USP31: variants seen among roughly 807,000 people sequenced by gnomAD.
The protein encoded by USP31 is ubiquitin specific peptidase 31, also known as ubiquitin carboxyl-terminal hydrolase 31.
USP31 carries 44 observed loss-of-function variants against 119.4 expected under a neutral mutation model. The ratio of observed to expected loss-of-function variants is 0.37; its 90% CI spans 0.29 to 0.47. USP31 has a LOEUF of 0.47. Ranked by LOEUF, USP31 falls within the 20% of genes least tolerant of loss-of-function variation. The pLI is 0.99. For synonymous variants in USP31, 749 were observed against 705.6 expected (o/e 1.06, Z -0.97); for missense variants, 1,643 against 1,730.2 (o/e 0.95, Z 0.89).
intron 15 of USP31, among the ~76,000 whole-genome samples, chr16:23,070,968 C>T (rs1362718119): frequency 4.6e-5 from 7 of 152,076 alleles, no homozygotes; most frequent in Admixed American, 4.6e-4. Flanking sequence ...CTGAGGCAAA[C>T]CTTATTGAGG....
chr16:23,073,954 T>C (rs1900454046), intron 13 of USP31, 74 bp from the exon 14 acceptor site: 2 of 1,598,782 alleles, frequency 1.3e-6, no homozygotes, highest in Admixed American at 3.3e-5. Flanking sequence ...AGACACCATC[T>C]CTTTGGCTCA....
At position 23,067,782 on chromosome 16, in the gene USP31, G is replaced by A. The variant is rs770292707; in HGVS notation, c.*264C>T. ...GTACAATTGCTAAAGGGACCGTCCT[G>A]GGTATCGTCTACAATTATTCCAGTT... On this transcript the variant is annotated 3_prime_UTR_variant, in exon 16 of 16. Transcript: ENST00000219689. 1.6e-5 allele frequency: 6 copies of A among 369,334 alleles called. No individual in the cohort carries two copies. The highest frequency in any genetic ancestry group is 2.9e-5 in the Non-Finnish European group (6 of 206,706). The allele number at this position is 369,334 out of a possible 1,614,324, so 22.9% of individuals were successfully genotyped here.
intron 7 of USP31, among the ~76,000 whole-genome samples, chr16:23,090,289 G>A (rs552796179): frequency 2.6e-5 from 4 of 152,294 alleles, no homozygotes; most frequent in African/African-American, 7.2e-5. Context: ...GGAAGGCTGA[G>A]CCAAGAGAAT....
At chr16:23,141,191 C>T (rs574169753) in intron 1 of USP31, among the ~76,000 whole-genome samples, 2 of 152,278 alleles carry the variant, frequency 1.3e-5, no homozygotes, top group South Asian at 4.1e-4. Flanking sequence ...CTACCTGGCC[C>T]CTGCCTCTCC....
intron 15 of USP31, 23 bp downstream of exon 15, chr16:23,072,022 T>C (rs372858755): frequency 1.1e-5 from 17 of 1,597,728 alleles, no homozygotes; most frequent in African/African-American, 9.4e-5. Flanking sequence ...TTCTGGAAAT[T>C]TGTCACCAAA....
At chr16:23,113,794 G>A (rs964965523) in intron 1 of USP31, among the ~76,000 whole-genome samples, 7 of 152,108 alleles carry the variant, frequency 4.6e-5, no homozygotes, top group African/African-American at 1.7e-4. Flanking sequence ...CTAACAGAAA[G>A]GAGATATCTG....
chr16:23,096,810 C>G (rs141488339), intron 6 of USP31, among the ~76,000 whole-genome samples: 12 of 152,046 alleles, frequency 7.9e-5, no homozygotes, highest in Non-Finnish European at 7.4e-5. Flanking sequence ...ACAAAGACAA[C>G]GTACCAGAAT....
At chr16:23,127,370 G>A (rs1225670433) in intron 1 of USP31, among the ~76,000 whole-genome samples, 2 of 152,056 alleles carry the variant, frequency 1.3e-5, no homozygotes, top group African/African-American at 2.4e-5. Context: ...AGTGAGCTAT[G>A]ATCGCATCAC....
rs1474083314 is a variant in USP31, at chr16:23,089,337, T to C, written c.1415+1287A>G. Among the ~76,000 whole-genome samples the C allele has an allele frequency of 2.0e-5, 3 of 152,236 alleles. No homozygotes were observed. The South Asian group carries it at 6.2e-4, about 32-fold the overall frequency. The stretch of plus-strand genomic sequence containing the variant: ...ACCATCACACTCTATCATTCTAGTC[T>C]GTTTTAATGCCTTCGACGTGGTACG... On this transcript the variant is annotated intron_variant, in intron 7 of 15. Transcript: ENST00000219689.
At chr16:23,103,798 C>T (rs1273704166) in intron 5 of USP31, among the ~76,000 whole-genome samples, 1 of 152,090 alleles carries the variant, frequency 6.6e-6, no homozygotes, top group Non-Finnish European at 1.5e-5. Flanking sequence ...GCCTACAGTC[C>T]CCACTACTTG....
intron 1 of USP31, among the ~76,000 whole-genome samples, chr16:23,147,824 C>G (rs957417331): frequency 5.3e-5 from 8 of 152,106 alleles, no homozygotes; most frequent in African/African-American, 1.9e-4. Context: ...GTAGTCCCAG[C>G]TATTAAATAC....
chr16:23,070,846 T>A (rs1239387622), intron 15 of USP31, among the ~76,000 whole-genome samples: 1 of 152,198 alleles, frequency 6.6e-6, no homozygotes, highest in African/African-American at 2.4e-5. Flanking sequence ...AAATTCTGTC[T>A]TTATAGAGCC....
chr16:23,082,602 G>C, intron 11 of USP31, 45 bp from the exon 12 acceptor site: 1 of 1,612,238 alleles, frequency 6.2e-7, no homozygotes, highest in Non-Finnish European at 8.5e-7. Flanking sequence ...CTTAATGCAA[G>C]ACTGTGTTAC....
chr16:23,122,804 G>A (rs79549267), intron 1 of USP31, among the ~76,000 whole-genome samples: 7,907 of 152,158 alleles, frequency 0.052, 308 homozygotes, highest in Non-Finnish European at 0.072. Flanking sequence ...GGGAAATAGG[G>A]AGTGACTGCT....
chr16:23,147,685 G>A (rs1353046096), intron 1 of USP31, among the ~76,000 whole-genome samples: 12 of 152,214 alleles, frequency 7.9e-5, no homozygotes, highest in Admixed American at 7.9e-4. Flanking sequence ...CCAGCACTTT[G>A]GGAGGCCAAA....
chr16:23,115,400 G>A (rs527959311), intron 1 of USP31, among the ~76,000 whole-genome samples: 1 of 152,164 alleles, frequency 6.6e-6, no homozygotes, highest in South Asian at 2.1e-4. Flanking sequence ...GCTTATGCCT[G>A]TGATCTCAGC....
intron 11 of USP31, among the ~76,000 whole-genome samples, chr16:23,083,741 T>G (rs1256304389): frequency 7.9e-6 from 1 of 126,296 alleles, no homozygotes; most frequent in African/African-American, 3.0e-5. Flanking sequence ...CCATGTCTTA[T>G]GAAAAACTAT....
intron 1 of USP31, among the ~76,000 whole-genome samples, chr16:23,114,320 A>G (rs1470262499): frequency 6.6e-6 from 1 of 152,098 alleles, no homozygotes. Flanking sequence ...AACTGCCAAG[A>G]AGAGCTCTTA....
chr16:23,149,421 C>T lies in USP31; in HGVS notation c.-151G>A, dbSNP rs1184127315. On this transcript the variant is annotated 5_prime_UTR_variant, in exon 1 of 16. Coordinates refer to ENST00000219689, the MANE Select transcript of USP31 (RefSeq NM_020718.4). Reference sequence around the variant, plus strand: ...AAGCGCAGCCGAGCCAGCGAGCGAGCGGCGGCCGGCGGGGCCAGCGGGCGC... The same window carrying T: ...AAGCGCAGCCGAGCCAGCGAGCGAGTGGCGGCCGGCGGGGCCAGCGGGCGC... 17 of 922,984 alleles carry T rather than the reference C, an allele frequency of 1.8e-5. No individual in the cohort carries two copies. The highest frequency in any genetic ancestry group is 6.3e-5 in the Admixed American group (1 of 15,884). The allele number at this position is 922,984 out of a possible 1,614,324, so 57.2% of individuals were successfully genotyped here. A position where few individuals can be genotyped will look rare whatever the true frequency, so the allele number is the denominator to read the frequency against.
Sources: gnomAD v4.1 joint callset for allele counts (sites outside exome capture counted in the v4.1 genomes callset) on GRCh38, gnomAD v4.1.1 for gene constraint, MANE v1.5 for transcripts, NCBI Gene and HGNC (gene_info 2026-07-23, HGNC 2026-07-21) for gene names.